Variants in FAM13A observed in about 807,000 individuals in gnomAD.
FAM13A encodes the protein family with sequence similarity 13 member A.
Under a neutral mutation model 129.6 loss-of-function variants are expected in FAM13A, and 76 were observed. The ratio of observed to expected loss-of-function variants is 0.59; its 90% confidence interval spans 0.49 to 0.71. The LOEUF (loss-of-function observed/expected upper bound fraction) is 0.71, where lower values mean the gene tolerates loss of function less well. FAM13A is among the 30% of genes least tolerant of loss of function. The probability of loss-of-function intolerance (pLI) is 0.00; values close to 1 mark genes in which losing one functional copy is unlikely to be tolerated. For missense variants in FAM13A, 1,108 were observed against 1,249.3 expected, an observed-to-expected ratio of 0.89 and a Z score of 1.70; for synonymous variants, 443 against 449.9, an observed-to-expected ratio of 0.98 and a Z score of 0.20.
chr4:88,868,649 T>G (rs1458205463), intron 6 of FAM13A, among the ~76,000 whole-genome samples: 1 of 152,194 alleles, frequency 6.6e-6, no homozygotes, highest in Non-Finnish European at 1.5e-5. Flanking sequence ...TTGCCTGCTG[T>G]TTTCCTAGAC....
intron 6 of FAM13A, among the ~76,000 whole-genome samples, chr4:88,875,051 T>C (rs1742142936): frequency 6.6e-6 from 1 of 152,220 alleles, no homozygotes; most frequent in African/African-American, 2.4e-5. Flanking sequence ...AAGGATTCCC[T>C]ATTTAATAAA....
At chr4:88,932,245 T>C in intron 5 of FAM13A, among the ~76,000 whole-genome samples, 1 of 152,248 alleles carries the variant, frequency 6.6e-6, no homozygotes, top group Admixed American at 6.5e-5. Context: ...TCATTTACTG[T>C]TGTGTGATCT....
At chr4:88,909,318 G>A (rs1748659383) in intron 5 of FAM13A, among the ~76,000 whole-genome samples, 1 of 152,096 alleles carries the variant, frequency 6.6e-6, no homozygotes, top group Admixed American at 6.5e-5. Flanking sequence ...TTGAAAACAT[G>A]CTAAGTGAAA....
intron 5 of FAM13A, among the ~76,000 whole-genome samples, chr4:88,924,045 A>G (rs1751653465): frequency 6.6e-6 from 1 of 152,208 alleles, no homozygotes; most frequent in South Asian, 2.1e-4. Flanking sequence ...TGCTCAATGA[A>G]ATAAAAGAGG....
intron 1 of FAM13A, among the ~76,000 whole-genome samples, chr4:89,031,011 T>C (rs1378518154): frequency 6.6e-6 from 1 of 152,140 alleles, no homozygotes; most frequent in African/African-American, 2.4e-5. Flanking sequence ...ACAATACAGA[T>C]TTAGTATCTA....
rs370739061 is a variant in FAM13A, at chr4:89,020,534, T to C, written c.353A>G (p.Lys118Arg). 15 of 1,613,992 alleles carry C rather than the reference T, an allele frequency of 9.3e-6. No individual in the cohort carries two copies. In the African/African-American group the frequency reaches 1.9e-4, roughly 20 times the overall value. The change falls in exon 3 of 24, where the codon AAG becomes AGG. Residue 118 changes from lysine (K) to arginine (R), a missense_variant. Around this residue, in one of 3 missense-constraint regions of FAM13A, gnomAD observed 566 missense variants for 595.7 expected, o/e 0.95. Coordinates refer to ENST00000264344, the MANE Select transcript of FAM13A (RefSeq NM_014883.4). ...GDVCSAASLL[K>R]LFLRELPDSL... is the part of the protein sequence containing the mutation. ...GTCAGGCAGCTCCCTCAGAAACAGC[T>C]TCAACAGACTGGCTGCTGAGCAGAC...
chr4:88,749,631 C>G, intron 16 of FAM13A, 140 bp downstream of exon 16: 1 of 712,982 alleles, frequency 1.4e-6, no homozygotes, highest in Non-Finnish European at 2.3e-6. Flanking sequence ...TCAGGGTGTA[C>G]TATCCAGGGT....
intron 14 of FAM13A, among the ~76,000 whole-genome samples, chr4:88,753,293 T>C (rs568717294): frequency 1.1e-3 from 165 of 152,356 alleles, no homozygotes; most frequent in African/African-American, 3.8e-3. Flanking sequence ...ATTTGATGCT[T>C]TGTGGCTAAC....
intron 2 of FAM13A, among the ~76,000 whole-genome samples, chr4:89,028,844 C>T (rs565620855): frequency 6.4e-4 from 97 of 150,796 alleles, no homozygotes; most frequent in African/African-American, 2.2e-3. Context: ...TTATTTTAAA[C>T]GAAATCATCA....
intron 10 of FAM13A, among the ~76,000 whole-genome samples, chr4:88,784,885 T>C (rs554752119): frequency 1.3e-5 from 2 of 152,306 alleles, no homozygotes; most frequent in Admixed American, 1.3e-4. Context: ...TGAATTTAGC[T>C]GAATATTTTT....
At chr4:88,931,742 T>C (rs1345106747) in intron 5 of FAM13A, among the ~76,000 whole-genome samples, 1 of 152,194 alleles carries the variant, frequency 6.6e-6, no homozygotes, top group Non-Finnish European at 1.5e-5. Context: ...CTAAAAATTA[T>C]AACTCACGAT....
intron 11 of FAM13A, among the ~76,000 whole-genome samples, chr4:88,778,304 A>T (rs1722165648): frequency 6.6e-6 from 1 of 152,154 alleles, no homozygotes; most frequent in African/African-American, 2.4e-5. Flanking sequence ...CATCTCAGTA[A>T]ATTGGCAAGA....
At chr4:88,960,427 AAAAACAGAG>A (rs2148911655) in intron 4 of FAM13A, among the ~76,000 whole-genome samples, 1 of 152,346 alleles carries the variant, frequency 6.6e-6, no homozygotes, top group South Asian at 2.1e-4. Flanking sequence ...AAAACAATAG[AAAAACAGAG>A]GGATACAAGT....
chr4:88,978,044 C>T (rs1761139437), intron 4 of FAM13A, among the ~76,000 whole-genome samples: 1 of 152,104 alleles, frequency 6.6e-6, no homozygotes, highest in Non-Finnish European at 1.5e-5. Flanking sequence ...CAGTATTTGG[C>T]CATTTTGAAC....
chr4:88,728,816 A>G, intron 23 of FAM13A, 157 bp from the exon 24 acceptor site: 1 of 720,912 alleles, frequency 1.4e-6, no homozygotes, highest in Non-Finnish European at 2.2e-6. Flanking sequence ...CTGGGGCTGG[A>G]TTTAGACAAG....
rs1467507900 is a variant in FAM13A, at chr4:88,823,365, C to CCCTCCTCCTCCTCTTCCT, written c.1008-18331_1008-18314dup. On this transcript the variant is annotated intron_variant, in intron 7 of 23. Transcript: ENST00000264344. ...CCTACTCCTTCTGCTCCTCAATGGT[C>CCCTCCTCCTCCTCTTCCT]CCTCCTCCTCCTCTTCCTCCTCCTC... is the stretch of plus-strand genomic sequence containing the variant. The CCCTCCTCCTCCTCTTCCT allele has an allele frequency of 7.0e-5, 71 of 1,021,232 alleles. No individual in the cohort carries two copies. The African/African-American group carries it at 1.1e-3, about 16-fold the overall frequency. The allele number at this position is 1,021,232 out of a possible 1,614,324, so 63.3% of individuals were successfully genotyped here.
chr4:88,935,996 T>C (rs1323107039), intron 5 of FAM13A, among the ~76,000 whole-genome samples: 2 of 152,222 alleles, frequency 1.3e-5, no homozygotes, highest in Admixed American at 1.3e-4. Context: ...TAGTTTCTAA[T>C]CATGACATTT....
chr4:89,030,578 A>G (rs1451956066), intron 1 of FAM13A, among the ~76,000 whole-genome samples: 1 of 152,182 alleles, frequency 6.6e-6, no homozygotes, highest in Non-Finnish European at 1.5e-5. Flanking sequence ...AAATACTATT[A>G]AATGACTTAA....
At chr4:88,757,065 T>G (rs553523798) in intron 14 of FAM13A, among the ~76,000 whole-genome samples, 2 of 151,740 alleles carry the variant, frequency 1.3e-5, no homozygotes, top group African/African-American at 4.8e-5. Context: ...AAAAAATCCA[T>G]CTAGATTTCT....
Sources: gnomAD v4.1 joint callset for allele counts (sites outside exome capture counted in the v4.1 genomes callset) on GRCh38, gnomAD v4.1.1 for gene constraint, gnomAD v4.1.1 regional missense constraint, MANE v1.5 for transcripts, NCBI Gene and HGNC (gene_info 2026-07-23, HGNC 2026-07-21) for gene names.